Variants in RP1 observed in about 807,000 individuals in gnomAD.
RP1 encodes RP1 axonemal microtubule associated.
Under a neutral mutation model 14.8 loss-of-function variants are expected in RP1, and 16 were observed. The ratio of observed to expected loss-of-function variants is 1.08; its 90% CI spans 0.73 to 1.65. The LOEUF (loss-of-function observed/expected upper bound fraction) is 1.65. Among genes scored for constraint, RP1 ranks in the 40% most tolerant of loss-of-function variants. RP1 has a pLI of 0.00. For synonymous variants in RP1, 876 were observed against 883.6 expected (o/e 0.99, Z 0.15); for missense variants, 2,631 against 2,535.0 (o/e 1.04, Z -0.81).
intron 3 of RP1, among the ~76,000 whole-genome samples, chr8:54,637,294 C>G (rs1385710757): frequency 6.6e-6 from 1 of 152,118 alleles, no homozygotes; most frequent in Admixed American, 6.5e-5. Context: ...GGAAAGGGGT[C>G]CACAGTGAGT....
chr8:54,726,318 T>G lies in RP1; in HGVS notation c.2390-27T>G, dbSNP rs891676932. ...GAAGAAACAAGTGATTTTGAAAGGA[T>G]GGCATCTTTTAAAATCTTAATTTCA... On this transcript the variant is annotated intron_variant, in intron 16 of 22. Transcript: ENST00000636932. The G allele has an allele frequency of 1.3e-5, 20 of 1,512,254 alleles. No individual in the cohort carries two copies. The African/African-American group carries it at 1.8e-4, about 14-fold the overall frequency. 93.7% of individuals were successfully genotyped at this position (1,512,254 alleles called of 1,614,324 possible).
At chr8:54,785,486 C>T (rs1810296152) in intron 24 of RP1, among the ~76,000 whole-genome samples, 1 of 149,932 alleles carries the variant, frequency 6.7e-6, no homozygotes, top group Non-Finnish European at 1.5e-5. Flanking sequence ...CATCTATGTA[C>T]AAGTTTTTGT....
intron 12 of RP1, among the ~76,000 whole-genome samples, chr8:54,684,092 C>T (rs1807497724): frequency 7.2e-6 from 1 of 139,206 alleles, no homozygotes. Context: ...GTCTTTAGTT[C>T]TGTTTATGTG....
At chr8:54,762,482 C>T (rs2129370852) in intron 22 of RP1, among the ~76,000 whole-genome samples, 1 of 152,202 alleles carries the variant, frequency 6.6e-6, no homozygotes. Context: ...ATTTTTCTGT[C>T]TTTTGTACAT....
downstream of RP1, among the ~76,000 whole-genome samples, chr8:54,635,495 G>A (rs1206313199): frequency 1.3e-5 from 2 of 152,134 alleles, no homozygotes; most frequent in Non-Finnish European, 2.9e-5. Flanking sequence ...TGGTTAGTGA[G>A]AAATGGGTGA....
chr8:54,772,202 A>G (rs976862871), downstream of RP1, among the ~76,000 whole-genome samples: 2 of 152,048 alleles, frequency 1.3e-5, no homozygotes, highest in Non-Finnish European at 2.9e-5. Flanking sequence ...AACTAACTAC[A>G]TTACTCAGTT....
upstream of RP1, among the ~76,000 whole-genome samples, chr8:54,613,712 A>C (rs1805649440): frequency 1.3e-5 from 2 of 152,222 alleles, no homozygotes; most frequent in Non-Finnish European, 2.9e-5. Flanking sequence ...GAAGGGACAG[A>C]AAATGTATGG....
chr8:54,608,597 G>A (rs702762), intron 1 of RP1, among the ~76,000 whole-genome samples: 52,020 of 151,730 alleles, frequency 0.34, 9,428 homozygotes, highest in Middle Eastern at 0.48. Context: ...AGAACTCCTA[G>A]GGGATGGACG....
At chr8:54,668,262 A>G (rs1235954729) in intron 7 of RP1, among the ~76,000 whole-genome samples, 1 of 152,170 alleles carries the variant, frequency 6.6e-6, no homozygotes, top group African/African-American at 2.4e-5. Context: ...TCATGAGTGA[A>G]CTTCCATTCA....
At chr8:54,573,977 G>T (rs886860185) in intron 1 of RP1, among the ~76,000 whole-genome samples, 1 of 152,204 alleles carries the variant, frequency 6.6e-6, no homozygotes. Flanking sequence ...TTCCTATGAA[G>T]AGGACCTGCA....
chr8:54,832,431 A>G (rs984559340), intron 24 of RP1, among the ~76,000 whole-genome samples: 2 of 151,078 alleles, frequency 1.3e-5, no homozygotes, highest in African/African-American at 4.9e-5. Flanking sequence ...TTATTATTTC[A>G]CTTATTGTAT....
intron 22 of RP1, among the ~76,000 whole-genome samples, chr8:54,759,368 ATTTG>A (rs1477427446): frequency 6.6e-6 from 1 of 152,214 alleles, no homozygotes; most frequent in East Asian, 1.9e-4. Flanking sequence ...TAGTGAGAAT[ATTTG>A]TTTAACTGTT....
intron 15 of RP1, among the ~76,000 whole-genome samples, chr8:54,711,376 A>C (rs915573027): frequency 1.3e-5 from 2 of 152,300 alleles, no homozygotes; most frequent in South Asian, 4.1e-4. Flanking sequence ...TGCATTGGAA[A>C]GTTATTGCTA....
At chr8:54,835,106 CT>C (rs34291847) in intron 24 of RP1, among the ~76,000 whole-genome samples, 46,499 of 151,848 alleles carry the variant, frequency 0.31, 7,324 homozygotes, top group South Asian at 0.37. Context: ...AGTCACTGTC[CT>C]TTTTTTGTGT....
At chr8:54,599,148 T>C (rs1805214576) in intron 1 of RP1, among the ~76,000 whole-genome samples, 1 of 152,194 alleles carries the variant, frequency 6.6e-6, no homozygotes, top group South Asian at 2.1e-4. Flanking sequence ...ATCTATTTTC[T>C]CTCTGTTGTT....
At chr8:54,801,903 A>C (rs754673945) in intron 24 of RP1, among the ~76,000 whole-genome samples, 1 of 152,098 alleles carries the variant, frequency 6.6e-6, no homozygotes, top group African/African-American at 2.4e-5. Context: ...ATTAATTTGC[A>C]GTTTTTCTAG....
intron 1 of RP1, among the ~76,000 whole-genome samples, chr8:54,565,757 A>G (rs1322483280): frequency 6.6e-6 from 1 of 152,122 alleles, no homozygotes; most frequent in African/African-American, 2.4e-5. Flanking sequence ...CATCAGACTT[A>G]CTTCCTACAT....
chr8:54,650,969 A>T (rs927628796), intron 4 of RP1, among the ~76,000 whole-genome samples: 1 of 148,408 alleles, frequency 6.7e-6, no homozygotes, highest in African/African-American at 2.5e-5. Flanking sequence ...AGTTTGTTGA[A>T]TTTTTTTTTT....
At chr8:54,837,521 G>A in exon 25 of RP1, 3 of 1,231,626 alleles carry the variant, frequency 2.4e-6, no homozygotes, top group Non-Finnish European at 3.0e-6. Flanking sequence ...AGAATCCCAG[G>A]TGGTATCTGG....
Sources: gnomAD v4.1 joint callset for allele counts (sites outside exome capture counted in the v4.1 genomes callset) on GRCh38, gnomAD v4.1.1 for gene constraint, MANE v1.5 for transcripts, NCBI Gene and HGNC (gene_info 2026-07-23, HGNC 2026-07-21) for gene names.